Variants in NRK observed in about 807,000 individuals in gnomAD.
NRK encodes Nik related kinase.
In NRK, 67 loss-of-function variants were observed where a neutral mutation model predicts 125.2. The ratio of observed to expected loss-of-function variants is 0.54; its 90% CI spans 0.44 to 0.66. The LOEUF is 0.66. Ranked by LOEUF, NRK falls within the 30% of genes least tolerant of loss-of-function variation. NRK has a pLI of 0.00. For missense variants in NRK, 1,224 were observed against 1,192.9 expected (o/e 1.03, Z -0.38); for synonymous variants, 458 against 429.0 (o/e 1.07, Z -0.84).
chrX:105,906,691 A>T, intron 11 of NRK, 102 bp downstream of exon 11: 1 of 464,439 alleles, frequency 2.2e-6, no homozygotes, highest in Middle Eastern at 6.9e-4. Flanking sequence ...TAGATTGAAA[A>T]TAAAACTTCT....
chrX:105,824,617 CAAAAA>C (rs59276814), intron 1 of NRK, among the ~76,000 whole-genome samples: 1 of 75,482 alleles, frequency 1.3e-5, no homozygotes, highest in Admixed American at 1.6e-4. Context: ...TTTACTGCCA[CAAAAA>C]AAAAAAAAAA....
chrX:105,915,812 T>C lies in NRK; in HGVS notation c.2417+15T>C, dbSNP rs746987593. 1.2e-5 allele frequency: 11 copies of C among 923,397 alleles called. No individual in the cohort carries two copies. Among genetic ancestry groups the C allele is most frequent in the African/African-American group, 1.9e-5 (1 of 51,349 alleles). The allele number at this position is 923,397 out of a possible 1,213,427, so 76.1% of individuals were successfully genotyped here. On this transcript the variant is annotated intron_variant, in intron 15 of 28. Coordinates refer to ENST00000243300, the MANE Select transcript of NRK (RefSeq NM_198465.4). The stretch of plus-strand genomic sequence containing the variant: ...TTCTCTTCAAGGTATGTGTCTTTGA[T>C]TTCTATATTAAAATTATTCATAATT...
chrX:105,916,559 G>A (rs1389692857), intron 15 of NRK, among the ~76,000 whole-genome samples: 1 of 111,496 alleles, frequency 9.0e-6, no homozygotes, highest in Non-Finnish European at 1.9e-5. Context: ...TTAATGTTAT[G>A]TAGTATATAT....
intron 21 of NRK, 27 bp from the exon 22 acceptor site, chrX:105,937,412 A>G: frequency 1.8e-6 from 2 of 1,087,710 alleles, no homozygotes; most frequent in Non-Finnish European, 1.2e-6. Flanking sequence ...AATCTGAGCT[A>G]ATATAGCACT....
chrX:105,899,963 G>C (rs2040135167), intron 8 of NRK, among the ~76,000 whole-genome samples: 1 of 109,765 alleles, frequency 9.1e-6, no homozygotes, highest in Non-Finnish European at 1.9e-5. Context: ...GTGAGACTCT[G>C]TCTCAAGGAA....
At chrX:105,834,031 A>C (rs2039229155) in intron 2 of NRK, among the ~76,000 whole-genome samples, 1 of 112,197 alleles carries the variant, frequency 8.9e-6, no homozygotes, top group South Asian at 3.6e-4. Flanking sequence ...ATTAAAAGTC[A>C]GAAAGAGTCT....
At position 105,958,191 on chromosome X, in the gene NRK, A is replaced by G. The variant is rs2041001908; in HGVS notation, c.*2591A>G. The G allele has an allele frequency of 8.9e-6, 1 of 112,520 alleles. No homozygotes were observed. The highest frequency in any genetic ancestry group is 1.9e-5 in the Non-Finnish European group (1 of 53,333). 9.3% of individuals were successfully genotyped at this position (112,520 alleles called of 1,213,427 possible). A position where few individuals can be genotyped will look rare whatever the true frequency, so the allele number is the denominator to read the frequency against. On this transcript the variant is annotated 3_prime_UTR_variant, in exon 29 of 29. Coordinates refer to ENST00000243300, the MANE Select transcript of NRK (RefSeq NM_198465.4). ...TAGAAAATGATGGATAAAAGGGCTG[A>G]TAAGAAAATTTCTGACTGTCAGTAG...
chrX:105,890,772 C>G (rs997640545), intron 5 of NRK, among the ~76,000 whole-genome samples: 3 of 111,556 alleles, frequency 2.7e-5, no homozygotes, highest in Non-Finnish European at 5.6e-5. Context: ...CAGGTCCCTC[C>G]CATGACATGT....
chrX:105,833,518 A>C (rs1196984200), intron 2 of NRK, among the ~76,000 whole-genome samples: 1 of 111,253 alleles, frequency 9.0e-6, no homozygotes, highest in East Asian at 2.8e-4. Context: ...GTGAGAAATA[A>C]AAGCTCAGAG....
At chrX:105,921,906 A>G in intron 16 of NRK, 58 bp from the exon 17 acceptor site, 1 of 560,956 alleles carries the variant, frequency 1.8e-6, no homozygotes, top group East Asian at 3.5e-5. Flanking sequence ...TACACTATAC[A>G]TATGAAGGCA....
chrX:105,945,126 A>G (rs903470096), intron 24 of NRK, among the ~76,000 whole-genome samples: 2 of 111,844 alleles, frequency 1.8e-5, no homozygotes, highest in Non-Finnish European at 3.8e-5. Context: ...ATTAGCTGGA[A>G]CATTTGGTAA....
At chrX:105,883,411 T>C (rs1394768614) in intron 4 of NRK, among the ~76,000 whole-genome samples, 1 of 112,162 alleles carries the variant, frequency 8.9e-6, no homozygotes, top group Non-Finnish European at 1.9e-5. Context: ...GGATAAAAAG[T>C]ATGTGACTTG....
intron 5 of NRK, among the ~76,000 whole-genome samples, chrX:105,889,167 A>T (rs1219197264): frequency 8.9e-6 from 1 of 112,867 alleles, no homozygotes; most frequent in African/African-American, 3.2e-5. Flanking sequence ...TCCAAATGGG[A>T]GAAATTGGCC....
At chrX:105,909,925 G>T (rs776792169) in intron 13 of NRK, 43 bp downstream of exon 13, 10 of 1,044,072 alleles carry the variant, frequency 9.6e-6, no homozygotes, top group Non-Finnish European at 1.3e-5. Flanking sequence ...AAAATGAAGA[G>T]AAAATGTGAT....
In NRK at chrX:105,909,498, A is replaced by G. The variant is rs1011812638; in HGVS notation, c.1857A>G (p.Ser619=). 3 of 1,210,502 alleles carry G rather than the reference A, an allele frequency of 2.5e-6. No homozygotes were observed. Among genetic ancestry groups the G allele is most frequent in the Non-Finnish European group, 3.4e-6 (3 of 894,770 alleles). The part of the protein sequence containing the change: ...LIPVEGQTEG[S]PQAQAWTLEP... ...CAGTAGAGGGGCAAACTGAAGGATC[A>G]CCTCAGGCACAGGCTTGGACACTAG... Residue 619 remains serine, a synonymous_variant, in exon 13 of 29, where the codon TCA becomes TCG. Coordinates refer to ENST00000243300, the MANE Select transcript of NRK (RefSeq NM_198465.4).
At chrX:105,855,578 CAT>C (rs1162951413) in intron 2 of NRK, among the ~76,000 whole-genome samples, 1 of 111,457 alleles carries the variant, frequency 9.0e-6, no homozygotes, top group Non-Finnish European at 1.9e-5. Context: ...GTGATGGTCT[CAT>C]AAATGATTCT....
At chrX:105,919,725 G>A (rs2040413727) in intron 16 of NRK, among the ~76,000 whole-genome samples, 1 of 111,468 alleles carries the variant, frequency 9.0e-6, no homozygotes, top group Non-Finnish European at 1.9e-5. Flanking sequence ...ATCATTGGGT[G>A]GAAATATGTG....
chrX:105,917,548 A>G, intron 15 of NRK, 30 bp from the exon 16 acceptor site: 8 of 953,785 alleles, frequency 8.4e-6, no homozygotes, highest in Non-Finnish European at 1.1e-5. Flanking sequence ...ATGTTAGGAC[A>G]TGGCACATGC....
At chrX:105,943,831 A>G (rs2040777922) in intron 23 of NRK, 110 bp from the exon 24 acceptor site, 1 of 439,003 alleles carries the variant, frequency 2.3e-6, no homozygotes, top group Non-Finnish European at 3.9e-6. Context: ...CCAAAAATAT[A>G]CTGTCTGTGC....
Sources: allele counts gnomAD v4.1 joint callset (sites outside exome capture counted in the v4.1 genomes callset), GRCh38; gene constraint gnomAD v4.1.1; transcripts MANE v1.5; gene names NCBI Gene and HGNC (gene_info 2026-07-23, HGNC 2026-07-21).